TMTC2: variants seen among roughly 807,000 people sequenced by gnomAD.
The protein encoded by TMTC2 is protein O-mannosyl-transferase TMTC2.
A neutral mutation model predicts 82.4 loss-of-function variants in TMTC2; 43 were observed. The ratio of observed to expected loss-of-function variants is 0.52; its 90% CI spans 0.41 to 0.67. The LOEUF (loss-of-function observed/expected upper bound fraction) is 0.67, where lower values mean the gene tolerates loss of function less well. TMTC2 is among the 30% of genes least tolerant of loss of function. The pLI, the probability that TMTC2 is intolerant of heterozygous loss-of-function variation, is 0.00. For synonymous variants in TMTC2, 408 were observed against 381.9 expected, an observed-to-expected ratio of 1.07 and a Z score of -0.80; for missense variants, 919 against 1,012.4, an observed-to-expected ratio of 0.91 and a Z score of 1.25.
chr12:83,005,221 AAAAG>A (rs781637316), intron 8 of TMTC2, among the ~76,000 whole-genome samples: 628 of 12,952 alleles, frequency 0.048, 20 homozygotes, highest in South Asian at 0.34. Flanking sequence ...AAAAAAAAAA[AAAAG>A]GGGAGAGAGA....
chr12:82,811,807 CTTTTTTTTTTTTTTTT>C (rs1171596880), intron 1 of TMTC2, among the ~76,000 whole-genome samples: 1 of 91,096 alleles, frequency 1.1e-5, no homozygotes, highest in African/African-American at 4.5e-5. Flanking sequence ...TGCTCTCCTT[CTTTTTTTTTTTTTTTT>C]TTTTTTTTTT....
intron 11 of TMTC2, among the ~76,000 whole-genome samples, chr12:83,078,096 G>A (rs12320373): frequency 0.11 from 16,712 of 151,714 alleles, 1,535 homozygotes; most frequent in African/African-American, 0.25. Context: ...CCAGGTGATC[G>A]GATATCAAAA....
intron 1 of TMTC2, among the ~76,000 whole-genome samples, chr12:82,719,671 C>CTTTTT (rs202235180): frequency 3.1e-5 from 4 of 128,136 alleles, no homozygotes; most frequent in Non-Finnish European, 3.2e-5. Context: ...GTCTCTCTGT[C>CTTTTT]TTTTTTTTTT....
intron 1 of TMTC2, among the ~76,000 whole-genome samples, chr12:82,795,867 C>CA (rs1565753796): frequency 6.6e-6 from 1 of 152,130 alleles, no homozygotes; most frequent in Non-Finnish European, 1.5e-5. Flanking sequence ...GTTATCCAGT[C>CA]AGTCTCCAGT....
Position 82,965,605 on chromosome 12 carries a change from C to T in TMTC2, c.1730C>T (p.Thr577Met), listed in dbSNP as rs117020331. ...TGIILMNQGR[T>M]EEARRTFLKC... is the part of the protein sequence containing the mutation. ...ATTATTCTAATGAACCAAGGAAGGA[C>T]GGAAGAAGCCCGACGGACATTCTTA... Residue 577 changes from threonine (T) to methionine (M), a missense_variant, in exon 6 of 12, where the codon ACG (threonine) becomes ATG (methionine). Thr to Met is a moderately conservative substitution (Grantham distance 81). Transcript: ENST00000321196. 1.0e-3 allele frequency: 1,615 copies of T among 1,613,656 alleles called. 4 individuals carry two copies. Among genetic ancestry groups the T allele is most frequent in the South Asian group, 3.4e-3 (310 of 91,070 alleles).
intron 11 of TMTC2, among the ~76,000 whole-genome samples, chr12:83,107,303 T>A (rs1884440314): frequency 6.6e-6 from 1 of 152,174 alleles, no homozygotes; most frequent in Non-Finnish European, 1.5e-5. Context: ...CCTGGGTAAT[T>A]TATAAAGAAA....
chr12:82,897,804 T>G (rs1384989457), intron 3 of TMTC2, among the ~76,000 whole-genome samples: 1 of 151,998 alleles, frequency 6.6e-6, no homozygotes, highest in East Asian at 1.9e-4. Context: ...GGATTACAGG[T>G]GTGAGCCACC....
chr12:83,086,195 C>T (rs1883652156), intron 11 of TMTC2, among the ~76,000 whole-genome samples: 1 of 152,096 alleles, frequency 6.6e-6, no homozygotes, highest in African/African-American at 2.4e-5. Flanking sequence ...AGGTGCTCCT[C>T]ACTTCCCAGA....
chr12:82,936,311 T>C (rs554854529), intron 4 of TMTC2, among the ~76,000 whole-genome samples: 7 of 152,172 alleles, frequency 4.6e-5, no homozygotes, highest in Admixed American at 2.6e-4. Flanking sequence ...CATGCAATAA[T>C]TAGACTTCTT....
intron 11 of TMTC2, among the ~76,000 whole-genome samples, chr12:83,077,101 A>G (rs1883305530): frequency 6.6e-6 from 1 of 152,218 alleles, no homozygotes; most frequent in African/African-American, 2.4e-5. Flanking sequence ...TCTATAGCAA[A>G]GACAGCTGGG....
chr12:82,834,917 G>C (rs931008463), intron 1 of TMTC2, among the ~76,000 whole-genome samples: 1 of 150,480 alleles, frequency 6.6e-6, no homozygotes, highest in Admixed American at 6.6e-5. Flanking sequence ...TTGCCCTGTC[G>C]CCCAGGCTGG....
intron 1 of TMTC2, among the ~76,000 whole-genome samples, chr12:82,715,578 A>C (rs1468738452): frequency 6.6e-6 from 1 of 152,218 alleles, no homozygotes; most frequent in Non-Finnish European, 1.5e-5. Flanking sequence ...TTCCTGCAGT[A>C]AGAGTTCAGT....
intron 11 of TMTC2, among the ~76,000 whole-genome samples, chr12:83,129,467 A>T (rs1885196055): frequency 6.6e-6 from 1 of 152,162 alleles, no homozygotes; most frequent in Non-Finnish European, 1.5e-5. Context: ...AAAATACAAA[A>T]TTTGTTTCAT....
intron 1 of TMTC2, among the ~76,000 whole-genome samples, chr12:82,732,062 T>G (rs1202278005): frequency 1.3e-5 from 2 of 152,230 alleles, no homozygotes; most frequent in East Asian, 3.8e-4. Flanking sequence ...AGATTTTGGC[T>G]AACATTTTTG....
intron 4 of TMTC2, among the ~76,000 whole-genome samples, chr12:82,935,300 T>C (rs1328946795): frequency 6.6e-6 from 1 of 152,184 alleles, no homozygotes; most frequent in Admixed American, 6.5e-5. Flanking sequence ...CACTTAATTC[T>C]ATTCTTAATA....
At chr12:82,882,084 C>G (rs1211832312) in intron 2 of TMTC2, among the ~76,000 whole-genome samples, 1 of 144,752 alleles carries the variant, frequency 6.9e-6, no homozygotes, top group Non-Finnish European at 1.5e-5. Flanking sequence ...ACTGCAAGCT[C>G]CGCCTCCCGG....
chr12:82,692,357 G>A (rs1872614976), intron 1 of TMTC2, among the ~76,000 whole-genome samples: 1 of 152,120 alleles, frequency 6.6e-6, no homozygotes, highest in African/African-American at 2.4e-5. Context: ...TTTTGAAATA[G>A]CAACAACCTT....
At chr12:82,708,159 C>T (rs887081248) in intron 1 of TMTC2, among the ~76,000 whole-genome samples, 1 of 152,088 alleles carries the variant, frequency 6.6e-6, no homozygotes, top group East Asian at 1.9e-4. Flanking sequence ...GCTTGCAAAG[C>T]CTAAAATATT....
intron 4 of TMTC2, among the ~76,000 whole-genome samples, chr12:82,963,599 G>T (rs1250604508): frequency 6.6e-6 from 1 of 150,992 alleles, no homozygotes; most frequent in East Asian, 2.0e-4. Context: ...TTGTCATAAA[G>T]AGTATTATTC....
Sources: allele counts gnomAD v4.1 joint callset (sites outside exome capture counted in the v4.1 genomes callset), GRCh38; gene constraint gnomAD v4.1.1; transcripts MANE v1.5; gene names NCBI Gene and HGNC (gene_info 2026-07-23, HGNC 2026-07-21).